GRIA4: variants seen among roughly 807,000 people sequenced by gnomAD.
GRIA4 encodes the protein glutamate receptor 4.
In GRIA4, 34 loss-of-function variants were observed where a neutral mutation model predicts 104.0. The ratio of observed to expected loss-of-function variants is 0.33; its 90% CI spans 0.25 to 0.44. The LOEUF is 0.44. GRIA4 is among the 20% of genes least tolerant of loss of function. The probability of loss-of-function intolerance (pLI) is 1.00; values close to 1 mark genes in which losing one functional copy is unlikely to be tolerated. For synonymous variants in GRIA4, 386 were observed against 381.9 expected (o/e 1.01, Z -0.13); for missense variants, 750 against 1,096.5 (o/e 0.68, Z 4.46).
At chr11:105,965,899 T>A in intron 14 of GRIA4, 1 of 1,280,116 alleles carries the variant, frequency 7.8e-7, no homozygotes, top group Non-Finnish European at 1.1e-6. Flanking sequence ...CCTTCTAACA[T>A]CTTAACAGCT....
rs545114055 is a variant in GRIA4, at chr11:105,719,790, G to C, written c.248-33191G>C. The stretch of plus-strand genomic sequence containing the variant: ...GTCAATGATTGGGAAAAAAAAAAAA[G>C]CCTGAGTTGGCATGAAAATTTTTCC... On this transcript the variant is annotated intron_variant, in intron 3 of 16. Coordinates refer to ENST00000282499, the MANE Select transcript of GRIA4 (RefSeq NM_000829.4). 5.3e-5 allele frequency among the ~76,000 whole-genome samples: 8 copies of C among 150,510 alleles called. No homozygotes were observed. The East Asian group carries it at 1.6e-3, about 29-fold the overall frequency.
chr11:105,675,223 C>T (rs1449249974), intron 3 of GRIA4, among the ~76,000 whole-genome samples: 2 of 151,736 alleles, frequency 1.3e-5, no homozygotes, highest in African/African-American at 2.4e-5. Flanking sequence ...GCTTCCCCCT[C>T]GTGCTGGTAC....
intron 10 of GRIA4, chr11:105,913,123 T>C (rs575109200): frequency 1.1e-5 from 7 of 664,450 alleles, no homozygotes; most frequent in African/African-American, 5.9e-5. Flanking sequence ...TATTCATAAA[T>C]ATTTATTGAG....
chr11:105,838,277 T>C (rs1001474525), intron 4 of GRIA4, among the ~76,000 whole-genome samples: 2 of 152,178 alleles, frequency 1.3e-5, no homozygotes, highest in Admixed American at 1.3e-4. Context: ...TTCTACACAA[T>C]GATGTAGCAT....
At chr11:105,645,722 C>A (rs575625220) in intron 3 of GRIA4, among the ~76,000 whole-genome samples, 4 of 152,078 alleles carry the variant, frequency 2.6e-5, no homozygotes, top group African/African-American at 4.8e-5. Context: ...AAATAGCACA[C>A]AATGTAGAGC....
intron 4 of GRIA4, among the ~76,000 whole-genome samples, chr11:105,796,619 G>A (rs1388332239): frequency 6.6e-6 from 1 of 152,130 alleles, no homozygotes; most frequent in African/African-American, 2.4e-5. Flanking sequence ...GTAGACCATA[G>A]GTAGTGAGTA....
intron 14 of GRIA4, among the ~76,000 whole-genome samples, chr11:105,939,394 T>C (rs895094657): frequency 6.6e-6 from 1 of 152,154 alleles, no homozygotes; most frequent in African/African-American, 2.4e-5. Flanking sequence ...GGGATCAAAT[T>C]TGACAAGATA....
chr11:105,818,046 A>T (rs914337723), intron 4 of GRIA4, among the ~76,000 whole-genome samples: 2 of 152,160 alleles, frequency 1.3e-5, no homozygotes, highest in African/African-American at 4.8e-5. Context: ...AATTAGAAAG[A>T]CAAAGGAGAA....
chr11:105,658,371 C>T (rs1951906796), intron 3 of GRIA4, among the ~76,000 whole-genome samples: 1 of 151,636 alleles, frequency 6.6e-6, no homozygotes. Context: ...ACATGAATTT[C>T]AGAATAACAG....
intron 3 of GRIA4, among the ~76,000 whole-genome samples, chr11:105,645,520 T>C (rs1168882005): frequency 6.6e-6 from 1 of 152,156 alleles, no homozygotes; most frequent in Non-Finnish European, 1.5e-5. Flanking sequence ...ATCAACACTA[T>C]TTTGGGGCAA....
chr11:105,715,252 C>T (rs1390716883), intron 3 of GRIA4, among the ~76,000 whole-genome samples: 1 of 152,178 alleles, frequency 6.6e-6, no homozygotes, highest in Non-Finnish European at 1.5e-5. Flanking sequence ...TTTCATTACA[C>T]TTGCTGAAGG....
chr11:105,647,121 A>G (rs1951552034), intron 3 of GRIA4, among the ~76,000 whole-genome samples: 2 of 152,196 alleles, frequency 1.3e-5, no homozygotes, highest in African/African-American at 4.8e-5. Context: ...TAAACCCATT[A>G]AAAATGGGCA....
chr11:105,643,066 A>G (rs934170891), intron 3 of GRIA4, among the ~76,000 whole-genome samples: 5 of 152,136 alleles, frequency 3.3e-5, no homozygotes, highest in East Asian at 1.9e-4. Flanking sequence ...AGAACTTACT[A>G]TCATGAGAGT....
At chr11:105,759,746 G>A (rs1258042095) in intron 4 of GRIA4, among the ~76,000 whole-genome samples, 2 of 152,090 alleles carry the variant, frequency 1.3e-5, no homozygotes, top group East Asian at 3.8e-4. Context: ...CACCATTTGG[G>A]TCTGAGCATA....
intron 4 of GRIA4, among the ~76,000 whole-genome samples, chr11:105,832,189 G>A (rs1944001108): frequency 6.6e-6 from 1 of 151,954 alleles, no homozygotes; most frequent in Non-Finnish European, 1.5e-5. Flanking sequence ...CTGAGAAAGA[G>A]CAGTCAGAAA....
At chr11:105,770,053 A>G (rs1401548496) in intron 4 of GRIA4, among the ~76,000 whole-genome samples, 1 of 152,076 alleles carries the variant, frequency 6.6e-6, no homozygotes, top group African/African-American at 2.4e-5. Context: ...TCCTTATGTC[A>G]TAACATATCC....
At chr11:105,703,129 C>T (rs1953564539) in intron 3 of GRIA4, among the ~76,000 whole-genome samples, 1 of 152,036 alleles carries the variant, frequency 6.6e-6, no homozygotes. Flanking sequence ...GCAATAAGCA[C>T]AAAACTTATG....
chr11:105,656,151 A>G (rs1951837763), intron 3 of GRIA4, among the ~76,000 whole-genome samples: 3 of 152,138 alleles, frequency 2.0e-5, no homozygotes, highest in African/African-American at 7.2e-5. Flanking sequence ...GTGTCTGTTT[A>G]TATCCTTTGC....
intron 4 of GRIA4, among the ~76,000 whole-genome samples, chr11:105,792,458 A>G (rs1321705689): frequency 6.6e-6 from 1 of 152,094 alleles, no homozygotes; most frequent in Non-Finnish European, 1.5e-5. Flanking sequence ...ATATATTTGT[A>G]TTATAAGAAG....
Sources: allele counts gnomAD v4.1 joint callset (sites outside exome capture counted in the v4.1 genomes callset), GRCh38; gene constraint gnomAD v4.1.1; transcripts MANE v1.5; gene names NCBI Gene and HGNC (gene_info 2026-07-23, HGNC 2026-07-21).